Variants in ACTR3B observed in about 807,000 individuals in gnomAD.
ACTR3B encodes actin related protein 3B.
A neutral mutation model predicts 59.0 loss-of-function variants in ACTR3B; 8 were observed. The observed-to-expected ratio is 0.14, with a 90% confidence interval of 0.08 to 0.24. The LOEUF (loss-of-function observed/expected upper bound fraction) is 0.24. Among genes scored for constraint, ACTR3B ranks in the 10% least tolerant of loss-of-function variants. The probability of loss-of-function intolerance (pLI) is 1.00; values close to 1 mark genes in which losing one functional copy is unlikely to be tolerated. For missense variants in ACTR3B, 245 were observed against 552.3 expected, an observed-to-expected ratio of 0.44 and a Z score of 5.58; for synonymous variants, 148 against 197.9, an observed-to-expected ratio of 0.75 and a Z score of 2.12.
intron 4 of ACTR3B, among the ~76,000 whole-genome samples, chr7:152,804,597 G>C (rs2098246720): frequency 6.6e-6 from 1 of 152,136 alleles, no homozygotes; most frequent in Non-Finnish European, 1.5e-5. Flanking sequence ...GGCAGGAGTG[G>C]GTGGAGGGGA....
In ACTR3B at chr7:152,809,773, C is replaced by T. The variant is rs12703211; in HGVS notation, c.337-4777C>T. Among the ~76,000 whole-genome samples the T allele has an allele frequency of 1.5e-3, 223 of 152,182 alleles. 1 individual carries two copies. Among genetic ancestry groups the T allele is most frequent in the African/African-American group, 5.2e-3 (217 of 41,536 alleles). On this transcript the variant is annotated intron_variant, in intron 4 of 11. Transcript: ENST00000256001. ...GGTCAGGCTGGTCTCAAACTCCTGA[C>T]CTCATGATCCGCCCACCTCAGCCTC...
chr7:152,839,138 C>G (rs1317606009), intron 9 of ACTR3B, among the ~76,000 whole-genome samples: 1 of 149,186 alleles, frequency 6.7e-6, no homozygotes. Flanking sequence ...CAGATTTCAG[C>G]TCAGCACAGG....
At chr7:152,763,094 T>A (rs2098095158) in intron 1 of ACTR3B, among the ~76,000 whole-genome samples, 1 of 151,994 alleles carries the variant, frequency 6.6e-6, no homozygotes, top group Non-Finnish European at 1.5e-5. Context: ...GGCGGGCGGA[T>A]CACCTGAGGG....
At chr7:152,792,923 T>G (rs1246855256) in intron 2 of ACTR3B, among the ~76,000 whole-genome samples, 2 of 152,014 alleles carry the variant, frequency 1.3e-5, no homozygotes, top group African/African-American at 4.8e-5. Context: ...AACATAGAAT[T>G]CTGGATGGAC....
chr7:152,766,211 G>A (rs555529236), intron 1 of ACTR3B, among the ~76,000 whole-genome samples: 276 of 152,292 alleles, frequency 1.8e-3, no homozygotes, highest in African/African-American at 6.0e-3. Flanking sequence ...GGAAACCGGG[G>A]CAAGCTTCCC....
intron 9 of ACTR3B, among the ~76,000 whole-genome samples, chr7:152,848,709 T>G (rs1798560012): frequency 6.6e-6 from 1 of 152,218 alleles, no homozygotes; most frequent in Non-Finnish European, 1.5e-5. Flanking sequence ...TTTTAAGTTA[T>G]GATTCTTGAT....
chr7:152,799,575 A>T lies in ACTR3B; in HGVS notation c.101-956A>T, dbSNP rs559808496. 3.9e-5 allele frequency among the ~76,000 whole-genome samples: 6 copies of T among 152,374 alleles called. No homozygotes were observed. In the East Asian group the frequency reaches 1.2e-3, roughly 29 times the overall value. On this transcript the variant is annotated intron_variant, in intron 2 of 11. Transcript: ENST00000256001. ...GGAGAGACAGTTAAAGATGGGGGTT[A>T]TCTGATGTCAAGGAATCTATAGTTT...
At chr7:152,850,983 A>G (rs533245370) in intron 9 of ACTR3B, among the ~76,000 whole-genome samples, 4 of 152,324 alleles carry the variant, frequency 2.6e-5, no homozygotes, top group African/African-American at 9.6e-5. Context: ...TAGTTTTCAC[A>G]TAAGGTGTTT....
chr7:152,823,573 G>C, intron 8 of ACTR3B, 58 bp downstream of exon 8: 3 of 1,579,120 alleles, frequency 1.9e-6, no homozygotes, highest in Non-Finnish European at 2.6e-6. Context: ...CTGCCACCCA[G>C]AGTGTAGAAA....
intron 9 of ACTR3B, among the ~76,000 whole-genome samples, chr7:152,848,178 G>A (rs540962805): frequency 2.6e-5 from 4 of 152,332 alleles, no homozygotes; most frequent in South Asian, 4.1e-4. Context: ...GCAGACCCGC[G>A]TCTTCGACAG....
chr7:152,787,217 T>C (rs1443919768), intron 2 of ACTR3B, among the ~76,000 whole-genome samples: 3 of 152,200 alleles, frequency 2.0e-5, no homozygotes, highest in Non-Finnish European at 4.4e-5. Context: ...TTTTGGTCAG[T>C]CTAATGAATG....
chr7:152,790,270 G>C (rs1298737790), intron 2 of ACTR3B, among the ~76,000 whole-genome samples: 1 of 152,210 alleles, frequency 6.6e-6, no homozygotes, highest in Admixed American at 6.5e-5. Flanking sequence ...TGAAATTATA[G>C]GTGTGAGCCA....
rs147448915 is a variant in ACTR3B, at chr7:152,854,023, C to T, written c.1162-435C>T. Among the ~76,000 whole-genome samples the T allele has an allele frequency of 7.9e-5, 12 of 152,212 alleles. No individual in the cohort carries two copies. Among genetic ancestry groups the T allele is most frequent in the African/African-American group, 9.6e-5 (4 of 41,528 alleles). On this transcript the variant is annotated intron_variant, in intron 11 of 11. Coordinates refer to ENST00000256001, the MANE Select transcript of ACTR3B (RefSeq NM_020445.6). This position sits in a 1 kb window ranked among gnomAD's most constrained non-coding sequence, Gnocchi z 4.9. ...AATTACAGGTGTGAGCCTCTGTGCCCGGCCCGATATAAACTATATCTTAAT... is the reference window on the plus strand; with the variant it reads ...AATTACAGGTGTGAGCCTCTGTGCCTGGCCCGATATAAACTATATCTTAAT...
rs530845707 is a variant in ACTR3B at position 152,835,233 on chromosome 7, G to A, written c.951+10111G>A. Among the ~76,000 whole-genome samples the A allele has an allele frequency of 9.2e-5, 14 of 152,298 alleles. No homozygotes were observed. The East Asian group carries it at 1.5e-3, about 17-fold the overall frequency. On this transcript the variant is annotated intron_variant, in intron 9 of 11. Coordinates refer to ENST00000256001, the MANE Select transcript of ACTR3B (RefSeq NM_020445.6). ...ACTGCACTCATTCCCCAGCCCCTGC[G>A]TCCTCAGGTGCAGGATGGGCCAGGC...
At chr7:152,797,555 A>G (rs2098221596) in intron 2 of ACTR3B, among the ~76,000 whole-genome samples, 1 of 152,224 alleles carries the variant, frequency 6.6e-6, no homozygotes, top group African/African-American at 2.4e-5. Context: ...CACGTACTCT[A>G]CATTTTTTAA....
chr7:152,807,959 A>G (rs573792681), intron 4 of ACTR3B, among the ~76,000 whole-genome samples: 26 of 152,132 alleles, frequency 1.7e-4, no homozygotes, highest in Non-Finnish European at 3.4e-4. Flanking sequence ...TTCACAAACC[A>G]TTGCCACCGT....
intron 1 of ACTR3B, among the ~76,000 whole-genome samples, chr7:152,778,943 C>CAAAA (rs59789390): frequency 5.7e-4 from 21 of 36,826 alleles, no homozygotes; most frequent in Non-Finnish European, 7.5e-4. Context: ...ACTGTGTCTC[C>CAAAA]AAAAAAAAAA....
intron 2 of ACTR3B, among the ~76,000 whole-genome samples, chr7:152,795,961 A>C (rs185587364): frequency 6.6e-6 from 1 of 151,804 alleles, no homozygotes; most frequent in East Asian, 1.9e-4. Context: ...CTCCTGCCTC[A>C]GCCTCCCAAG....
chr7:152,815,945 T>TC (rs1491555495), intron 5 of ACTR3B, among the ~76,000 whole-genome samples: 2 of 152,110 alleles, frequency 1.3e-5, no homozygotes, highest in African/African-American at 4.8e-5. Context: ...TTTTTTTTTT[T>TC]CTTTCCTTTT....
Sources: allele counts gnomAD v4.1 joint callset (sites outside exome capture counted in the v4.1 genomes callset), GRCh38; gene constraint gnomAD v4.1.1; non-coding constraint Gnocchi (gnomAD v3.1); transcripts MANE v1.5; gene names NCBI Gene and HGNC (gene_info 2026-07-23, HGNC 2026-07-21).